The following FBXW4 variants were observed in gnomAD, a reference collection of about 807,000 sequenced individuals.
FBXW4 encodes the protein F-box and WD repeat domain containing 4, also known as F-box/WD repeat-containing protein 4.
A neutral mutation model predicts 61.8 loss-of-function variants in FBXW4; 40 were observed. The ratio of observed to expected loss-of-function variants is 0.65; its 90% CI spans 0.50 to 0.84. The LOEUF (loss-of-function observed/expected upper bound fraction) is 0.84. Among genes scored for constraint, FBXW4 ranks in the 40% least tolerant of loss-of-function variants. FBXW4 has a pLI of 0.00. For synonymous variants in FBXW4, 311 were observed against 313.8 expected (o/e 0.99, Z 0.10); for missense variants, 672 against 753.8 (o/e 0.89, Z 1.27).
At chr10:101,627,875 C>G in intron 5 of FBXW4, 1 of 837,888 alleles carries the variant, frequency 1.2e-6, no homozygotes, top group Non-Finnish European at 1.4e-6. Context: ...GGATAAAGTG[C>G]TTTGAAAAGG....
chr10:101,668,017 C>T (rs748556071), intron 4 of FBXW4, 37 bp from the exon 5 acceptor site: 3 of 1,554,828 alleles, frequency 1.9e-6, no homozygotes, highest in Non-Finnish European at 1.8e-6. Flanking sequence ...GTTGGCATTG[C>T]CTGGGATCAG....
chr10:101,618,235 G>A (rs1420513149), intron 6 of FBXW4, among the ~76,000 whole-genome samples: 1 of 152,254 alleles, frequency 6.6e-6, no homozygotes, highest in Non-Finnish European at 1.5e-5. Context: ...CTCAGAGGGA[G>A]AGTTCTACCA....
At chr10:101,626,789 G>A (rs905267181) in intron 5 of FBXW4, 1 of 152,304 alleles carries the variant, frequency 6.6e-6, no homozygotes, top group African/African-American at 2.4e-5. Context: ...CGCCCGGCCA[G>A]GCATCTCTTA....
In FBXW4 at chr10:101,635,625, A is replaced by G. The variant is rs549944546; in HGVS notation, c.1236-10815T>C. ...CAAGGCAGGCAGATTGCTTGAGCCC[A>G]GGAGTTCAAGACAAGCCTGGGCAAC... On this transcript the variant is annotated intron_variant, in intron 5 of 8. Coordinates refer to ENST00000331272, the MANE Select transcript of FBXW4 (RefSeq NM_022039.4). Among the ~76,000 whole-genome samples the G allele has an allele frequency of 6.6e-5, 10 of 152,278 alleles. No homozygotes were observed. In the East Asian group the frequency reaches 1.9e-3, roughly 29 times the overall value.
chr10:101,670,073 A>G (rs2064345519), intron 4 of FBXW4, among the ~76,000 whole-genome samples: 1 of 152,164 alleles, frequency 6.6e-6, no homozygotes, highest in African/African-American at 2.4e-5. Flanking sequence ...ACATTTATAC[A>G]GTTCTTTTAA....
chr10:101,641,536 T>C (rs912573461), intron 5 of FBXW4, among the ~76,000 whole-genome samples: 1 of 152,092 alleles, frequency 6.6e-6, no homozygotes, highest in African/African-American at 2.4e-5. Context: ...TCAAATATTC[T>C]ACTTCTGAAT....
In FBXW4 at chr10:101,667,999, A is replaced by G; in HGVS notation, c.1141-19T>C. 6.3e-7 allele frequency: 1 copy of G among 1,593,596 alleles called. No homozygotes were observed. Among genetic ancestry groups the G allele is most frequent in the South Asian group, 1.1e-5 (1 of 90,714 alleles). ...GCCACACCTAGAAACAGGAGAGGAG[A>G]TGCTCTCGTTGGCATTGCCTGGGAT... On this transcript the variant is annotated intron_variant, in intron 4 of 8. Transcript: ENST00000331272.
chr10:101,611,707 C>T lies in FBXW4; in HGVS notation c.1505G>A (p.Gly502Asp), dbSNP rs756510419. 1.9e-6 allele frequency: 3 copies of T among 1,614,060 alleles called. No homozygotes were observed. Among genetic ancestry groups the T allele is most frequent in the Non-Finnish European group, 2.5e-6 (3 of 1,180,030 alleles). ...GGAACCTGTGGCCAGCAGGTGGTTGCCATCTGTCTGCAGGCAGTACAGGGT... is the reference window on the plus strand; with the variant it reads ...GGAACCTGTGGCCAGCAGGTGGTTGTCATCTGTCTGCAGGCAGTACAGGGT... ...DSTLYCLQTD[G>D]NHLLATGSSY... Residue 502 changes from glycine to aspartate, a missense_variant, in exon 8 of 9, where the codon GGC becomes GAC. Physicochemically the swap from Gly to Asp is moderately conservative, Grantham distance 94 (BLOSUM62 -1). Coordinates refer to ENST00000331272, the MANE Select transcript of FBXW4 (RefSeq NM_022039.4). This position sits in a 1 kb window ranked among gnomAD's most constrained non-coding sequence, Gnocchi z 4.9.
At chr10:101,612,611 G>T in intron 6 of FBXW4, 134 bp from the exon 7 acceptor site, 1 of 1,038,054 alleles carries the variant, frequency 9.6e-7, no homozygotes, top group East Asian at 3.0e-5. Flanking sequence ...AGGGGGCTCA[G>T]GGAGGAGATG....
At chr10:101,677,492 A>C (rs2064425870) in intron 1 of FBXW4, among the ~76,000 whole-genome samples, 1 of 152,222 alleles carries the variant, frequency 6.6e-6, no homozygotes, top group Admixed American at 6.5e-5. Context: ...ATGATGAAAA[A>C]ATCAGAACAG....
intron 1 of FBXW4, among the ~76,000 whole-genome samples, chr10:101,678,135 T>C: frequency 6.6e-6 from 1 of 152,162 alleles, no homozygotes. Flanking sequence ...GTGAGCTGAG[T>C]TAACAGCAAT....
At chr10:101,618,892 GAAA>G (rs75454639) in intron 6 of FBXW4, among the ~76,000 whole-genome samples, 3 of 149,220 alleles carry the variant, frequency 2.0e-5, no homozygotes, top group Non-Finnish European at 3.0e-5. Context: ...CCCCTTGGCA[GAAA>G]AAAAAAACCC....
chr10:101,679,676 G>A (rs1438445624), intron 1 of FBXW4, among the ~76,000 whole-genome samples: 1 of 151,996 alleles, frequency 6.6e-6, no homozygotes, highest in Non-Finnish European at 1.5e-5. Flanking sequence ...TCAACTTTGG[G>A]TGTTTTTATT....
chr10:101,612,389 ACAG>A lies in FBXW4; in HGVS notation c.1387_1389del (p.Leu463del), dbSNP rs1564899877. On this transcript the variant is annotated inframe_deletion, in exon 7 of 9. Transcript: ENST00000331272. ...CGAACATAGGTGTCATAGCCACAGG[ACAG>A]CAGTGTGAAAGGGGACTCATACATG... 1 of 1,601,738 alleles carries A rather than the reference ACAG, an allele frequency of 6.2e-7. No homozygotes were observed. Among genetic ancestry groups the A allele is most frequent in the South Asian group, 1.1e-5 (1 of 87,340 alleles).
rs144438503 is a variant in FBXW4, at chr10:101,653,044, C to A, written c.1235+14842G>T. Among the ~76,000 whole-genome samples, 29 of 152,304 alleles carry A rather than the reference C, an allele frequency of 1.9e-4. 1 individual carries two copies. The highest frequency in any genetic ancestry group is 6.5e-4 in the African/African-American group (27 of 41,564). ...GCAACCATTCCTGGGCTGTCTCTGG[C>A]CATTGCCACCTGACTGTCCCATAAA... On this transcript the variant is annotated intron_variant, in intron 5 of 8. Coordinates refer to ENST00000331272, the MANE Select transcript of FBXW4 (RefSeq NM_022039.4).
intron 4 of FBXW4, 25 bp from the exon 5 acceptor site, chr10:101,668,005 T>C (rs780270910): frequency 6.3e-7 from 1 of 1,587,082 alleles, no homozygotes; most frequent in Non-Finnish European, 8.7e-7. Flanking sequence ...GGAGATGCTC[T>C]CGTTGGCATT....
intron 5 of FBXW4, among the ~76,000 whole-genome samples, chr10:101,631,696 C>T (rs1008773886): frequency 1.3e-5 from 2 of 151,044 alleles, no homozygotes; most frequent in South Asian, 2.1e-4. Context: ...GGCGCAATCT[C>T]GGCTCACTGC....
chr10:101,662,765 T>C (rs2064256769), intron 5 of FBXW4, among the ~76,000 whole-genome samples: 1 of 152,004 alleles, frequency 6.6e-6, no homozygotes, highest in Admixed American at 6.6e-5. Flanking sequence ...GCAAACAGGG[T>C]ATGTAGATCT....
intron 5 of FBXW4, among the ~76,000 whole-genome samples, chr10:101,656,855 C>A (rs1032229258): frequency 7.2e-5 from 11 of 152,160 alleles, no homozygotes; most frequent in African/African-American, 2.7e-4. Context: ...TTCTCTTCTG[C>A]AAATTAAGAC....
Sources: gnomAD v4.1 joint callset for allele counts (sites outside exome capture counted in the v4.1 genomes callset) on GRCh38, gnomAD v4.1.1 for gene constraint, Gnocchi (gnomAD v3.1) non-coding constraint, MANE v1.5 for transcripts, NCBI Gene and HGNC (gene_info 2026-07-23, HGNC 2026-07-21) for gene names.